Variants in METTL25 observed in about 807,000 individuals in gnomAD.
METTL25 encodes the protein methyltransferase like 25, also known as probable methyltransferase-like protein 25.
Under a neutral mutation model 71.6 loss-of-function variants are expected in METTL25, and 64 were observed. The ratio of observed to expected loss-of-function variants is 0.89; its 90% CI spans 0.73 to 1.10. The LOEUF (loss-of-function observed/expected upper bound fraction) is 1.10. Among genes scored for constraint, METTL25 ranks in the 50% least tolerant of loss-of-function variants. METTL25 has a pLI of 0.00. For missense variants in METTL25, 807 were observed against 707.0 expected, an observed-to-expected ratio of 1.14 and a Z score of -1.60; for synonymous variants, 287 against 250.3, an observed-to-expected ratio of 1.15 and a Z score of -1.38.
intron 1 of METTL25, among the ~76,000 whole-genome samples, chr12:82,364,290 G>A (rs1370194364): frequency 1.3e-5 from 2 of 152,154 alleles, no homozygotes; most frequent in African/African-American, 2.4e-5. Flanking sequence ...TATTTCATTC[G>A]CATAGGTGGC....
chr12:82,469,344 T>C (rs980247519), intron 9 of METTL25, among the ~76,000 whole-genome samples: 7 of 152,136 alleles, frequency 4.6e-5, no homozygotes, highest in African/African-American at 1.7e-4. Context: ...AGAGGTTTAA[T>C]TGACTCACAG....
intron 5 of METTL25, among the ~76,000 whole-genome samples, chr12:82,408,240 T>C (rs1565838514): frequency 6.6e-6 from 1 of 152,162 alleles, no homozygotes; most frequent in Non-Finnish European, 1.5e-5. Flanking sequence ...TAGTTATTGT[T>C]CTTCTATGCA....
At chr12:82,369,826 C>T (rs1192015934) in intron 1 of METTL25, among the ~76,000 whole-genome samples, 1 of 151,996 alleles carries the variant, frequency 6.6e-6, no homozygotes, top group East Asian at 1.9e-4. Flanking sequence ...ACACAGAATG[C>T]TAATTGGTGC....
rs548806209 is a variant in METTL25 at position 82,404,975 on chromosome 12, A to C, written c.1279+1845A>C. On this transcript the variant is annotated intron_variant, in intron 5 of 11. Transcript: ENST00000248306. ...AAAAAAAAAAAAAATTAGAGTCACT[A>C]TCCTTACACTACATTTTAAGGTCTT... 3.3e-5 allele frequency among the ~76,000 whole-genome samples: 5 copies of C among 151,868 alleles called. No individual in the cohort carries two copies. The East Asian group carries it at 9.7e-4, about 29-fold the overall frequency.
intron 9 of METTL25, among the ~76,000 whole-genome samples, chr12:82,460,977 A>G (rs971253243): frequency 4.6e-5 from 7 of 152,130 alleles, no homozygotes; most frequent in Non-Finnish European, 8.8e-5. Context: ...CCCCATCTCT[A>G]CTAAAACTAC....
At chr12:82,472,107 G>T (rs1488681827) in intron 9 of METTL25, among the ~76,000 whole-genome samples, 1 of 152,040 alleles carries the variant, frequency 6.6e-6, no homozygotes, top group Non-Finnish European at 1.5e-5. Context: ...TTGGGACATT[G>T]GTGTAATTAA....
intron 9 of METTL25, chr12:82,476,158 G>A (rs1892866726): frequency 6.6e-6 from 1 of 152,618 alleles, no homozygotes; most frequent in South Asian, 2.1e-4. Flanking sequence ...AGAAAAAGAA[G>A]AAAAAGAAAT....
chr12:82,478,367 T>C (rs573586908), intron 11 of METTL25, among the ~76,000 whole-genome samples: 4 of 151,878 alleles, frequency 2.6e-5, no homozygotes, highest in African/African-American at 9.6e-5. Context: ...AATGCACATT[T>C]ATGTTAGAAA....
In METTL25 at chr12:82,467,883, C is replaced by A. The variant is rs187173261; in HGVS notation, c.1573-8761C>A. Among the ~76,000 whole-genome samples, 322 of 151,482 alleles carry A rather than the reference C, an allele frequency of 2.1e-3. 1 individual carries two copies. Among genetic ancestry groups the A allele is most frequent in the African/African-American group, 7.2e-3 (296 of 41,298 alleles). On this transcript the variant is annotated intron_variant, in intron 9 of 11. Coordinates refer to ENST00000248306, the MANE Select transcript of METTL25 (RefSeq NM_032230.3). ...ATTTAATTAAGTATGTTTTCTATACCCTTTTCCTTCTCTTTTCCTTCTGGA... is the reference window on the plus strand; with the variant it reads ...ATTTAATTAAGTATGTTTTCTATACACTTTTCCTTCTCTTTTCCTTCTGGA...
rs772014878 is a variant in METTL25 at position 82,358,802 on chromosome 12, A to G, written c.237A>G (p.Leu79=). The G allele has an allele frequency of 1.2e-6, 2 of 1,608,350 alleles. No individual in the cohort carries two copies. Among genetic ancestry groups the G allele is most frequent in the Non-Finnish European group, 1.7e-6 (2 of 1,177,200 alleles). The change falls in exon 1 of 12, where the codon CTA becomes CTG. Residue 79 remains leucine (L), a synonymous_variant. Coordinates refer to ENST00000248306, the MANE Select transcript of METTL25 (RefSeq NM_032230.3). ...CCCTGCCCTCAGAGACGCGCCCCCTAGTGGAAGCAGAGTGGGAAGCAGGTG... is the reference window on the plus strand; with the variant it reads ...CCCTGCCCTCAGAGACGCGCCCCCTGGTGGAAGCAGAGTGGGAAGCAGGTG... ...TEALPSETRP[L]VEAEWEAGMT... is the part of the protein sequence containing the mutation.
intron 7 of METTL25, among the ~76,000 whole-genome samples, chr12:82,437,524 G>A (rs1050431342): frequency 6.6e-6 from 1 of 151,612 alleles, no homozygotes; most frequent in Admixed American, 6.6e-5. Flanking sequence ...CAGCAGCACA[G>A]TATGGGAAGT....
chr12:82,385,110 T>C (rs1592622137), intron 1 of METTL25, among the ~76,000 whole-genome samples: 1 of 152,158 alleles, frequency 6.6e-6, no homozygotes, highest in East Asian at 1.9e-4. Context: ...CTAGTAATTT[T>C]AATTTATGTT....
At chr12:82,423,984 C>T (rs1466886605) in intron 5 of METTL25, among the ~76,000 whole-genome samples, 1 of 152,146 alleles carries the variant, frequency 6.6e-6, no homozygotes, top group East Asian at 1.9e-4. Context: ...GTGGCAATTC[C>T]TCAGGTATCT....
chr12:82,426,574 G>A lies in METTL25; in HGVS notation c.1280-4319G>A, dbSNP rs936755010. Among the ~76,000 whole-genome samples the A allele has an allele frequency of 3.3e-5, 5 of 151,966 alleles. No individual in the cohort carries two copies. The East Asian group carries it at 7.8e-4, about 24-fold the overall frequency. On this transcript the variant is annotated intron_variant, in intron 5 of 11. Transcript: ENST00000248306. ...AGTACCCTCTGTCAGCCTTTGTTGTGGTGGTAAATAGTAGCTTTATGTGTT... is the reference window on the plus strand; with the variant it reads ...AGTACCCTCTGTCAGCCTTTGTTGTAGTGGTAAATAGTAGCTTTATGTGTT...
chr12:82,375,798 T>C (rs1475939569), intron 1 of METTL25, among the ~76,000 whole-genome samples: 2 of 152,234 alleles, frequency 1.3e-5, no homozygotes, highest in Admixed American at 1.3e-4. Context: ...ATTAATAGAA[T>C]TAAGAATAGA....
intron 9 of METTL25, among the ~76,000 whole-genome samples, chr12:82,460,789 G>T (rs969911938): frequency 6.6e-6 from 1 of 152,168 alleles, no homozygotes; most frequent in Non-Finnish European, 1.5e-5. Flanking sequence ...AAAGAAATTT[G>T]AATATAATGG....
intron 8 of METTL25, among the ~76,000 whole-genome samples, chr12:82,448,412 G>A (rs1019276557): frequency 1.3e-5 from 2 of 151,750 alleles, no homozygotes; most frequent in Admixed American, 1.3e-4. Context: ...TTTACAATTA[G>A]TACTTATCTA....
At chr12:82,467,473 C>T (rs1892305711) in intron 9 of METTL25, among the ~76,000 whole-genome samples, 1 of 152,004 alleles carries the variant, frequency 6.6e-6, no homozygotes, top group Admixed American at 6.6e-5. Context: ...GCGATGAATT[C>T]TCTTAGTTTT....
At chr12:82,407,719 C>T in intron 5 of METTL25, 5 of 648,478 alleles carry the variant, frequency 7.7e-6, no homozygotes, top group South Asian at 6.9e-5. Flanking sequence ...TCAAATACTT[C>T]GGAGGTCAAG....
Sources: allele counts gnomAD v4.1 joint callset (sites outside exome capture counted in the v4.1 genomes callset), GRCh38; gene constraint gnomAD v4.1.1; transcripts MANE v1.5; gene names NCBI Gene and HGNC (gene_info 2026-07-23, HGNC 2026-07-21).